ZNF469: variants seen among roughly 807,000 people sequenced by gnomAD.
ZNF469 encodes zinc finger protein 469.
ZNF469 carries 1 observed loss-of-function variant against 1.0 expected under a neutral mutation model. The ratio of observed to expected loss-of-function variants is 1.00; its 90% CI spans 0.35 to 4.73. The LOEUF (loss-of-function observed/expected upper bound fraction) is 4.73. Ranked by LOEUF, ZNF469 falls within the 30% of genes most tolerant of loss-of-function variation. The pLI is 0.16. For missense variants in ZNF469, 6,100 were observed against 5,356.3 expected, an observed-to-expected ratio of 1.14 and a Z score of -4.33; for synonymous variants, 2,703 against 2,363.4, an observed-to-expected ratio of 1.14 and a Z score of -4.17.
At chr16:88,398,646 AG>A (rs57785773) in intron 1 of ZNF469, among the ~76,000 whole-genome samples, 1 of 148,446 alleles carries the variant, frequency 6.7e-6, no homozygotes, top group African/African-American at 2.5e-5. Flanking sequence ...CCACAGATGA[AG>A]GGGGGGTGTG....
At chr16:88,345,575 G>A in the ZNF469 span, among the ~76,000 whole-genome samples, 1 of 151,906 alleles carries the variant, frequency 6.6e-6, no homozygotes, top group Non-Finnish European at 1.5e-5. Flanking sequence ...GCCTCTGCAG[G>A]CTGGCATGGC....
At chr16:88,254,685 G>A in the ZNF469 span, among the ~76,000 whole-genome samples, 4 of 152,230 alleles carry the variant, frequency 2.6e-5, no homozygotes, top group Admixed American at 6.5e-5. Context: ...TTGATCCTGG[G>A]AGGCGGAGGT....
the ZNF469 span, among the ~76,000 whole-genome samples, chr16:88,232,823 C>T: frequency 2.0e-5 from 3 of 152,264 alleles, no homozygotes; most frequent in East Asian, 5.8e-4. Context: ...AGCCCAGCAA[C>T]TATTTGACAT....
At chr16:88,242,454 T>C in the ZNF469 span, among the ~76,000 whole-genome samples, 3 of 152,128 alleles carry the variant, frequency 2.0e-5, no homozygotes, top group African/African-American at 7.2e-5. Context: ...CCTCTGTGCA[T>C]CTATGTCCTA....
the ZNF469 span, among the ~76,000 whole-genome samples, chr16:88,326,706 G>A: frequency 1.3e-5 from 2 of 152,096 alleles, no homozygotes; most frequent in African/African-American, 4.8e-5. Context: ...ACTGACTCAT[G>A]GGACCCCCGC....
chr16:88,324,528 G>C, the ZNF469 span, among the ~76,000 whole-genome samples: 1 of 152,244 alleles, frequency 6.6e-6, no homozygotes, highest in African/African-American at 2.4e-5. Flanking sequence ...CTTCACTCAG[G>C]AAAGAATTTG....
At chr16:88,380,603 TCA>T (rs1267530359), upstream of ZNF469, among the ~76,000 whole-genome samples, 12 of 85,728 alleles carry the variant, frequency 1.4e-4, no homozygotes, top group African/African-American at 2.3e-4. Flanking sequence ...ACACATGCAC[TCA>T]CACACGCACA....
Position 88,430,200 on chromosome 16 carries a change from C to T in ZNF469, c.2730C>T (p.Thr910=), listed in dbSNP as rs546435811. The T allele has an allele frequency of 6.5e-7, 1 of 1,546,330 alleles. No individual in the cohort carries two copies. The highest frequency in any genetic ancestry group is 1.2e-5 in the South Asian group (1 of 83,990). Residue 910 remains threonine, a synonymous_variant, in exon 3 of 3, where the codon ACC becomes ACT. Transcript: ENST00000565624. ...PLPAATPDPQ[T]PRPGDRGCPA... ...CAGCAGCCACGCCGGACCCCCAAAC[C>T]CCCCGCCCTGGGGACAGGGGCTGCC...
chr16:88,319,379 A>G, the ZNF469 span, among the ~76,000 whole-genome samples: 34 of 152,246 alleles, frequency 2.2e-4, 1 homozygote, highest in East Asian at 6.6e-3. Flanking sequence ...TCTTGGGCGG[A>G]GCCACACAGG....
At chr16:88,165,911 C>T in the ZNF469 span, among the ~76,000 whole-genome samples, 2 of 152,222 alleles carry the variant, frequency 1.3e-5, no homozygotes, top group Non-Finnish European at 2.9e-5. Flanking sequence ...CAGCACAAAG[C>T]CCCCGAGACT....
intron 1 of ZNF469, among the ~76,000 whole-genome samples, chr16:88,387,383 G>C (rs1372716623): frequency 2.0e-5 from 3 of 152,132 alleles, no homozygotes; most frequent in Admixed American, 6.5e-5. Flanking sequence ...CGGCGGGCAG[G>C]ACCCACCCCC....
intron 1 of ZNF469, among the ~76,000 whole-genome samples, chr16:88,393,452 T>G (rs566101692): frequency 2.0e-5 from 3 of 152,314 alleles, no homozygotes; most frequent in African/African-American, 7.2e-5. Context: ...TGGGGAATAA[T>G]TAGAGTCTCC....
rs1906668000 is a variant in ZNF469 at position 88,437,402 on chromosome 16, C to G, written c.9932C>G (p.Pro3311Arg). The change falls in exon 3 of 3, where the codon CCG becomes CGG. Residue 3311 changes from proline to arginine, a missense_variant. Transcript: ENST00000565624. ...GGCCCCCCCAGGACGACCCCCAGCC[C>G]GTCCCCCGACCCCTGGGCCGGCGGG... ...SPGPPRTTPS[P>R]SPDPWAGGEP... 5 of 1,528,976 alleles carry G rather than the reference C, an allele frequency of 3.3e-6. No individual in the cohort carries two copies. The highest frequency in any genetic ancestry group is 3.5e-6 in the Non-Finnish European group (4 of 1,136,398). 94.7% of individuals were successfully genotyped at this position (1,528,976 alleles called of 1,614,324 possible).
rs1207447735 is a variant in ZNF469 at position 88,428,648 on chromosome 16, G to C, written c.1178G>C (p.Ser393Thr). Residue 393 changes from serine (S) to threonine (T), a missense_variant, in exon 3 of 3, where the codon AGC becomes ACC. Coordinates refer to ENST00000565624, the MANE Select transcript of ZNF469 (RefSeq NM_001367624.2). ...RPPSAQDGLG[S>T]TRGPPSSLPQ... ...CCTTCAGCCCAGGATGGGCTGGGGA[G>C]CACGAGAGGGCCCCCTAGCTCCCTA... The C allele has an allele frequency of 4.5e-6, 7 of 1,550,014 alleles. No individual in the cohort carries two copies. In the African/African-American group the frequency reaches 6.8e-5, roughly 15 times the overall value.
At chr16:88,390,194 G>A (rs1011452193) in intron 1 of ZNF469, among the ~76,000 whole-genome samples, 2 of 152,214 alleles carry the variant, frequency 1.3e-5, no homozygotes, top group African/African-American at 4.8e-5. Flanking sequence ...CGGAGGTCAG[G>A]TGGTCACGGG....
chr16:88,435,401 G>A lies in ZNF469; in HGVS notation c.7931G>A (p.Arg2644Gln), dbSNP rs281865152. ...GGAAAGCTGAGAGGGAGAAGGCTCC[G>A]GGAGGAGAGCATTCTTCCAGTCTCT... The part of the protein sequence containing the change: ...KRGKLRGRRL[R>Q]EESILPVSAD... Residue 2644 changes from arginine (R) to glutamine (Q), a missense_variant, in exon 3 of 3, where the codon CGG becomes CAG. By Grantham distance (43) the Arg-to-Gln change is conservative (BLOSUM62 1). Coordinates refer to ENST00000565624, the MANE Select transcript of ZNF469 (RefSeq NM_001367624.2). The A allele has an allele frequency of 5.3e-5, 82 of 1,550,370 alleles. No homozygotes were observed. The highest frequency in any genetic ancestry group is 3.2e-4 in the East Asian group (13 of 40,924).
At chr16:88,361,182 C>A in the ZNF469 span, among the ~76,000 whole-genome samples, 1 of 152,084 alleles carries the variant, frequency 6.6e-6, no homozygotes, top group Non-Finnish European at 1.5e-5. Flanking sequence ...ATAGGGCTCA[C>A]CCTCCTGTGA....
chr16:88,184,374 C>T, the ZNF469 span, among the ~76,000 whole-genome samples: 1 of 152,036 alleles, frequency 6.6e-6, no homozygotes, highest in Non-Finnish European at 1.5e-5. Context: ...CGTGATTAAA[C>T]GTATGATTTC....
the ZNF469 span, among the ~76,000 whole-genome samples, chr16:88,122,266 T>C: frequency 2.0e-4 from 30 of 149,912 alleles, 2 homozygotes; most frequent in East Asian, 2.7e-3. Context: ...GCCACTCTGA[T>C]CACACCCCAT....
Sources: allele counts gnomAD v4.1 joint callset (sites outside exome capture counted in the v4.1 genomes callset), GRCh38; gene constraint gnomAD v4.1.1; transcripts MANE v1.5; gene names NCBI Gene and HGNC (gene_info 2026-07-23, HGNC 2026-07-21).